SGSM1: variants seen among roughly 807,000 people sequenced by gnomAD.
The protein encoded by SGSM1 is small G protein signaling modulator 1.
Under a neutral mutation model 133.8 loss-of-function variants are expected in SGSM1, and 73 were observed. That is an observed-to-expected ratio of 0.55 (90% CI 0.45 to 0.66). The LOEUF (loss-of-function observed/expected upper bound fraction) is 0.66. Among genes scored for constraint, SGSM1 ranks in the 30% least tolerant of loss-of-function variants. The probability of loss-of-function intolerance (pLI) is 0.00; values close to 1 mark genes in which losing one functional copy is unlikely to be tolerated. For missense variants in SGSM1, 1,213 were observed against 1,448.1 expected (o/e 0.84, Z 2.64); for synonymous variants, 563 against 573.0 (o/e 0.98, Z 0.25).
At chr22:24,835,758 A>C (rs1225428849) in intron 2 of SGSM1, among the ~76,000 whole-genome samples, 1 of 150,680 alleles carries the variant, frequency 6.6e-6, no homozygotes, top group Non-Finnish European at 1.5e-5. Flanking sequence ...AGGTGTTGGG[A>C]TGGGGGAGAG....
chr22:24,887,643 T>A (rs1932694239), intron 16 of SGSM1, among the ~76,000 whole-genome samples: 1 of 152,068 alleles, frequency 6.6e-6, no homozygotes, highest in South Asian at 2.1e-4. Flanking sequence ...ATGTTCAGTT[T>A]TATATGAAAC....
chr22:24,890,244 C>T (rs561529715), intron 16 of SGSM1, among the ~76,000 whole-genome samples: 1 of 152,188 alleles, frequency 6.6e-6, no homozygotes, highest in South Asian at 2.1e-4. Flanking sequence ...GCATGAGCCA[C>T]CACGCCCGGA....
chr22:24,839,080 G>A (rs1929642353), intron 2 of SGSM1, among the ~76,000 whole-genome samples: 1 of 152,168 alleles, frequency 6.6e-6, no homozygotes, highest in Admixed American at 6.5e-5. Flanking sequence ...TTTTGAGATA[G>A]AGTCTTGCTC....
In SGSM1 at chr22:24,898,354, T is replaced by C; in HGVS notation, c.2405T>C (p.Leu802Pro). ...GAGTTCATGTCCATCACGGGCAGCC[T>C]GGACATGGCCCTGCCTGAAAAGGAC... ...MDEFMSITGS[L>P]DMALPEKDDV... The change falls in exon 19 of 25, where the codon CTG (leucine) becomes CCG (proline). Residue 802 changes from leucine (L) to proline (P), a missense_variant. Leu to Pro is a moderately conservative substitution (Grantham distance 98). Transcript: ENST00000400358. 6.2e-7 allele frequency: 1 copy of C among 1,613,814 alleles called. No homozygotes were observed. Among genetic ancestry groups the C allele is most frequent in the South Asian group, 1.1e-5 (1 of 91,068 alleles).
chr22:24,820,042 G>GTGGGCAGGCACCCAGGAGGAGGC (rs1928372110), intron 2 of SGSM1, among the ~76,000 whole-genome samples: 1 of 152,072 alleles, frequency 6.6e-6, no homozygotes, highest in Non-Finnish European at 1.5e-5. Context: ...GACGCAAGCA[G>GTGGGCAGGCACCCAGGAGGAGGC]TGGGCAGGCA....
intron 13 of SGSM1, among the ~76,000 whole-genome samples, chr22:24,878,661 C>G (rs1418285927): frequency 6.6e-6 from 1 of 152,144 alleles, no homozygotes; most frequent in East Asian, 1.9e-4. Flanking sequence ...TGGATTTCTC[C>G]AACAATGCTA....
chr22:24,825,326 A>G (rs949973645), intron 2 of SGSM1, among the ~76,000 whole-genome samples: 8 of 152,192 alleles, frequency 5.3e-5, no homozygotes, highest in African/African-American at 1.9e-4. Context: ...AGAGTGACAC[A>G]GCCTGCCTTC....
At chr22:24,863,393 G>A (rs573675488) in intron 9 of SGSM1, among the ~76,000 whole-genome samples, 6 of 152,240 alleles carry the variant, frequency 3.9e-5, no homozygotes, top group East Asian at 3.9e-4. Context: ...TCTTGACCTC[G>A]TGATCCACCC....
chr22:24,853,769 A>ATTTTTTTTTTTTTTT (rs57736929), intron 5 of SGSM1, among the ~76,000 whole-genome samples: 25 of 123,440 alleles, frequency 2.0e-4, no homozygotes, highest in African/African-American at 4.0e-4. Context: ...CGCCTGGTGA[A>ATTTTTTTTTTTTTTT]TTTTTTTTTT....
At chr22:24,849,847 C>T (rs1171966069) in intron 4 of SGSM1, among the ~76,000 whole-genome samples, 1 of 152,204 alleles carries the variant, frequency 6.6e-6, no homozygotes, top group African/African-American at 2.4e-5. Context: ...GTATCTCTGT[C>T]TGGCTGGATC....
intron 17 of SGSM1, 116 bp downstream of exon 17, chr22:24,893,729 C>A: frequency 8.5e-7 from 1 of 1,179,376 alleles, no homozygotes; most frequent in Non-Finnish European, 1.1e-6. Flanking sequence ...ACAGTCTCAC[C>A]CCTGGCTTTT....
chr22:24,842,457 T>C (rs1211137389), intron 2 of SGSM1, among the ~76,000 whole-genome samples: 1 of 152,216 alleles, frequency 6.6e-6, no homozygotes, highest in Non-Finnish European at 1.5e-5. Flanking sequence ...TAAAATACTC[T>C]ACCAAAGCCT....
chr22:24,806,260 C>A lies in SGSM1; in HGVS notation c.-66C>A. 1 of 1,373,028 alleles carries A rather than the reference C, an allele frequency of 7.3e-7. No individual in the cohort carries two copies. Among genetic ancestry groups the A allele is most frequent in the South Asian group, 1.7e-5 (1 of 57,652 alleles). The allele number at this position is 1,373,028 out of a possible 1,614,324, so 85.1% of individuals were successfully genotyped here. ...CGCGGCTGCAGCAGCAGCGCCGCGG[C>A]CGGAGGAGCTACCGCCGCCACCGCC... On this transcript the variant is annotated 5_prime_UTR_variant, in exon 1 of 25. Transcript: ENST00000400358.
chr22:24,911,104 C>A (rs1485252283), intron 21 of SGSM1, among the ~76,000 whole-genome samples: 1 of 151,490 alleles, frequency 6.6e-6, no homozygotes, highest in Non-Finnish European at 1.5e-5. Context: ...GGTGTGTTGG[C>A]AGACACCTGT....
chr22:24,821,027 T>C (rs1928438279), intron 2 of SGSM1, among the ~76,000 whole-genome samples: 1 of 152,144 alleles, frequency 6.6e-6, no homozygotes, highest in African/African-American at 2.4e-5. Context: ...TTTTCTTCCT[T>C]TCTTTTGCTT....
In SGSM1 at chr22:24,926,360, C is replaced by T. The variant is rs900987925; in HGVS notation, c.*2086C>T. On this transcript the variant is annotated 3_prime_UTR_variant, in exon 25 of 25. Transcript: ENST00000400358. The stretch of plus-strand genomic sequence containing the variant: ...TACCCTACCCCCACCAAAGCAGAAA[C>T]GGGAGACGGCAACGTTCTGGCTGCC... 1.3e-5 allele frequency: 2 copies of T among 152,140 alleles called. No individual in the cohort carries two copies. Among genetic ancestry groups the T allele is most frequent in the Non-Finnish European group, 2.9e-5 (2 of 68,030 alleles). 9.4% of individuals were successfully genotyped at this position (152,140 alleles called of 1,614,324 possible).
intron 12 of SGSM1, among the ~76,000 whole-genome samples, chr22:24,872,984 G>A (rs1726835848): frequency 1.3e-5 from 2 of 149,508 alleles, no homozygotes; most frequent in Admixed American, 6.6e-5. Context: ...TTTTTGGCAG[G>A]GTCTCGCTCT....
chr22:24,833,524 G>C (rs1204979078), intron 2 of SGSM1, among the ~76,000 whole-genome samples: 1 of 152,028 alleles, frequency 6.6e-6, no homozygotes, highest in Admixed American at 6.5e-5. Flanking sequence ...TGGGCGTGGT[G>C]GCCAGTGCCT....
chr22:24,917,353 A>G (rs919163852), intron 22 of SGSM1, among the ~76,000 whole-genome samples: 53 of 152,092 alleles, frequency 3.5e-4, no homozygotes, highest in African/African-American at 1.3e-3. Context: ...CCTCGCCAAC[A>G]CTTTTTATTG....
Sources: gnomAD v4.1 joint callset for allele counts (sites outside exome capture counted in the v4.1 genomes callset) on GRCh38, gnomAD v4.1.1 for gene constraint, MANE v1.5 for transcripts, NCBI Gene and HGNC (gene_info 2026-07-23, HGNC 2026-07-21) for gene names.